Variants in MB observed in about 807,000 individuals in gnomAD.
MB encodes nitrite reductase MB.
A neutral mutation model predicts 14.5 loss-of-function variants in MB; 10 were observed. That is an observed-to-expected ratio of 0.69 (90% confidence interval 0.43 to 1.17). The LOEUF (loss-of-function observed/expected upper bound fraction) is 1.17, where lower values mean the gene tolerates loss of function less well. Among genes scored for constraint, MB ranks in the 50% most tolerant of loss-of-function variants. The probability of loss-of-function intolerance (pLI) is 0.00; values close to 1 mark genes in which losing one functional copy is unlikely to be tolerated. For missense variants in MB, 169 were observed against 192.7 expected, an observed-to-expected ratio of 0.88 and a Z score of 0.73; for synonymous variants, 89 against 78.6, an observed-to-expected ratio of 1.13 and a Z score of -0.70.
chr22:35,622,722 C>A (rs75353543), intron 1 of MB, among the ~76,000 whole-genome samples: 4 of 152,242 alleles, frequency 2.6e-5, no homozygotes, highest in South Asian at 2.1e-4. Flanking sequence ...CTGCCTCCCC[C>A]CTCCACCCTC....
At position 35,607,180 on chromosome 22, in the gene MB, C is replaced by T. The variant is rs1922202071; in HGVS notation, c.*117G>A. 1 of 1,250,212 alleles carries T rather than the reference C, an allele frequency of 8.0e-7. No individual in the cohort carries two copies. Among genetic ancestry groups the T allele is most frequent in the East Asian group, 2.4e-5 (1 of 42,196 alleles). The allele number at this position is 1,250,212 out of a possible 1,614,324, so 77.4% of individuals were successfully genotyped here. Reference sequence around the variant, plus strand: ...CCCCAGCCCCTCAGCTCCTCCTGCCCACCTCTACTAAACAAAGCAGACACT... The same window carrying T: ...CCCCAGCCCCTCAGCTCCTCCTGCCTACCTCTACTAAACAAAGCAGACACT... On this transcript the variant is annotated 3_prime_UTR_variant, in exon 3 of 3. Transcript: ENST00000397326.
At chr22:35,610,619 T>A (rs1487576480) in intron 2 of MB, among the ~76,000 whole-genome samples, 1 of 152,150 alleles carries the variant, frequency 6.6e-6, no homozygotes, top group East Asian at 1.9e-4. Flanking sequence ...TTGCACCCAA[T>A]ATCCCCTCTC....
At chr22:35,617,596 C>T (rs1478784934), upstream of MB, 1 of 251,734 alleles carries the variant, frequency 4.0e-6, no homozygotes, top group African/African-American at 2.3e-5. Flanking sequence ...TGTCTGGACT[C>T]TCATAGCCGA....
intron 1 of MB, 57 bp from the exon 2 acceptor site, chr22:35,611,163 G>T (rs780808202): frequency 1.6e-6 from 2 of 1,273,668 alleles, no homozygotes; most frequent in East Asian, 2.3e-5. Flanking sequence ...AGGTCTGGGG[G>T]CAGCCAGACT....
intron 1 of MB, 81 bp downstream of exon 1, chr22:35,617,082 G>T (rs1923129125): frequency 9.2e-7 from 1 of 1,085,652 alleles, no homozygotes; most frequent in South Asian, 1.3e-5. Context: ...CCTACCCCAC[G>T]TGCAAACTTT....
intron 1 of MB, among the ~76,000 whole-genome samples, chr22:35,615,890 G>T (rs1204977834): frequency 6.6e-6 from 1 of 152,154 alleles, no homozygotes; most frequent in East Asian, 1.9e-4. Flanking sequence ...TGCCATTACA[G>T]TCAACAGAAA....
At chr22:35,614,799 G>A (rs375936889) in intron 1 of MB, among the ~76,000 whole-genome samples, 3 of 152,104 alleles carry the variant, frequency 2.0e-5, no homozygotes, top group South Asian at 4.1e-4. Flanking sequence ...GCCTGTGGCT[G>A]CCATTAACCG....
chr22:35,610,665 T>G (rs1044345717), intron 2 of MB, among the ~76,000 whole-genome samples: 2 of 152,190 alleles, frequency 1.3e-5, no homozygotes, highest in Non-Finnish European at 2.9e-5. Flanking sequence ...GAATTTGGCA[T>G]ACTAAATTAA....
Position 35,611,069 on chromosome 22 carries a change from C to T in MB, c.133G>A (p.Asp45Asn). Residue 45 changes from aspartate (D) to asparagine (N), a missense_variant, in exon 2 of 3, where the codon GAC (aspartate) becomes AAC (asparagine). Coordinates refer to ENST00000397326, the MANE Select transcript of MB (RefSeq NM_005368.3). ...KGHPETLEKF[D>N]KFKHLKSEDE... ...TCTGACTTCAGGTGCTTGAACTTGT[C>T]AAACTTCTCCAGAGTCTCTGGGTGA... is the stretch of plus-strand genomic sequence containing the variant. The T allele has an allele frequency of 1.2e-6, 2 of 1,614,098 alleles. No homozygotes were observed. Among genetic ancestry groups the T allele is most frequent in the Non-Finnish European group, 1.7e-6 (2 of 1,180,026 alleles).
chr22:35,621,653 C>A (rs76881446), upstream of MB, among the ~76,000 whole-genome samples: 2,250 of 152,222 alleles, frequency 0.015, 55 homozygotes, highest in African/African-American at 0.049. Context: ...TTTAAAAATC[C>A]TTTTTTATGT....
chr22:35,616,720 A>G (rs1191792283), intron 1 of MB, among the ~76,000 whole-genome samples: 1 of 152,148 alleles, frequency 6.6e-6, no homozygotes, highest in African/African-American at 2.4e-5. Flanking sequence ...CAAGTCTAGA[A>G]CCAGATCTGT....
At position 35,617,199 on chromosome 22, in the gene MB, G is replaced by A; in HGVS notation, c.59C>T (p.Ala20Val). Residue 20 changes from alanine to valine, a missense_variant, in exon 1 of 3, where the codon GCT becomes GTT. Coordinates refer to ENST00000397326, the MANE Select transcript of MB (RefSeq NM_005368.3). ...TTCCTGCCCATGGCCTGGGATGTCA[G>A]CCTCCACCTTCCCCCAGACGTTCAG... ...LVLNVWGKVEADIPGHGQEVL... is the reference protein window; with the variant it reads ...LVLNVWGKVEVDIPGHGQEVL... The A allele has an allele frequency of 6.2e-7, 1 of 1,614,108 alleles. No individual in the cohort carries two copies. The highest frequency in any genetic ancestry group is 1.1e-5 in the South Asian group (1 of 91,082).
upstream of MB, among the ~76,000 whole-genome samples, chr22:35,621,410 G>C (rs143779592): frequency 2.0e-5 from 3 of 152,234 alleles, no homozygotes; most frequent in East Asian, 5.8e-4. Context: ...TAAAATTCTA[G>C]AGTGTCAAAG....
chr22:35,615,831 TG>T (rs925950424), intron 1 of MB: 2 of 152,228 alleles, frequency 1.3e-5, no homozygotes, highest in African/African-American at 4.8e-5. Flanking sequence ...CAGGGCCTGT[TG>T]CAGCCAGATG....
chr22:35,621,130 G>A (rs889016908), upstream of MB, among the ~76,000 whole-genome samples: 6 of 152,152 alleles, frequency 3.9e-5, no homozygotes, highest in South Asian at 2.1e-4. Flanking sequence ...ATTATGGCCA[G>A]GGCAGAGAAG....
intron 2 of MB, 138 bp downstream of exon 2, chr22:35,610,746 T>A (rs1922544462): frequency 3.0e-6 from 2 of 673,700 alleles, no homozygotes; most frequent in African/African-American, 3.6e-5. Context: ...CCTTTACAAA[T>A]GAGAAACCTG....
Position 35,611,004 on chromosome 22 carries a change from A to G in MB, c.198T>C (p.Gly66=), listed in dbSNP as rs2145914077. 6.2e-7 allele frequency: 1 copy of G among 1,614,150 alleles called. No individual in the cohort carries two copies. Among genetic ancestry groups the G allele is most frequent in the Non-Finnish European group, 8.5e-7 (1 of 1,180,008 alleles). The change falls in exon 2 of 3, where the codon GGT becomes GGC. Residue 66 remains glycine (G), a synonymous_variant. Transcript: ENST00000397326. ...CACCCAGGGCGGTGAGCACGGTGGC[A>G]CCATGCTTCTTTAAGTCCTCAGACG... The part of the protein sequence containing the change: ...MKASEDLKKH[G]ATVLTALGGI...
At chr22:35,613,685 A>AG (rs35141221) in intron 1 of MB, among the ~76,000 whole-genome samples, 32 of 151,816 alleles carry the variant, frequency 2.1e-4, no homozygotes, top group Non-Finnish European at 3.2e-4. Context: ...TTTGTAGAGA[A>AG]GGGGGGTCTC....
chr22:35,617,345 C>A, upstream of MB: 1 of 1,038,434 alleles, frequency 9.6e-7, no homozygotes, highest in Non-Finnish European at 1.5e-6. Context: ...TGCCTGGTCC[C>A]AAGGGCGTTT....
Sources: gnomAD v4.1 joint callset for allele counts (sites outside exome capture counted in the v4.1 genomes callset) on GRCh38, gnomAD v4.1.1 for gene constraint, MANE v1.5 for transcripts, NCBI Gene and HGNC (gene_info 2026-07-23, HGNC 2026-07-21) for gene names.